Variants in GLIS3 observed in about 807,000 individuals in gnomAD.
GLIS3 encodes the protein zinc finger protein GLIS3.
GLIS3 carries 53 observed loss-of-function variants against 78.6 expected under a neutral mutation model. That is an observed-to-expected ratio of 0.67 (90% CI 0.54 to 0.85). The LOEUF (loss-of-function observed/expected upper bound fraction) is 0.85, where lower values mean the gene tolerates loss of function less well. Ranked by LOEUF, GLIS3 falls within the 40% of genes least tolerant of loss-of-function variation. The pLI, the probability that GLIS3 is intolerant of heterozygous loss-of-function variation, is 0.00. For synonymous variants in GLIS3, 684 were observed against 509.9 expected, an observed-to-expected ratio of 1.34 and a Z score of -4.60; for missense variants, 1,703 against 1,231.1, an observed-to-expected ratio of 1.38 and a Z score of -5.74.
chr9:4,241,170 A>T (rs866506848), intron 2 of GLIS3, among the ~76,000 whole-genome samples: 1 of 152,296 alleles, frequency 6.6e-6, no homozygotes, highest in Non-Finnish European at 1.5e-5. Flanking sequence ...GGTACATTCA[A>T]CTCCAGACTG....
chr9:4,268,041 G>A (rs975174788), intron 2 of GLIS3, among the ~76,000 whole-genome samples: 21 of 151,860 alleles, frequency 1.4e-4, no homozygotes, highest in African/African-American at 4.6e-4. Flanking sequence ...GCATACACAC[G>A]TGCGTGCGTG....
intron 6 of GLIS3, among the ~76,000 whole-genome samples, chr9:3,905,092 C>T (rs904656583): frequency 1.4e-4 from 21 of 151,664 alleles, no homozygotes; most frequent in African/African-American, 4.8e-4. Context: ...CCTGCCTCAG[C>T]CTCCCGAGTA....
At chr9:4,152,491 ATG>A (rs1276698765) in intron 2 of GLIS3, among the ~76,000 whole-genome samples, 2 of 152,226 alleles carry the variant, frequency 1.3e-5, no homozygotes, top group Non-Finnish European at 2.9e-5. Flanking sequence ...TACACAAATT[ATG>A]TGACATGAAG....
intron 4 of GLIS3, chr9:4,036,079 C>A (rs1824271449): frequency 6.6e-6 from 1 of 152,184 alleles, no homozygotes; most frequent in African/African-American, 2.4e-5. Flanking sequence ...GATTCAAGGT[C>A]ATCTTTAAGA....
At chr9:3,919,507 G>T (rs774900718) in intron 6 of GLIS3, among the ~76,000 whole-genome samples, 4 of 151,954 alleles carry the variant, frequency 2.6e-5, no homozygotes, top group Non-Finnish European at 5.9e-5. Flanking sequence ...GGGAGGAGGA[G>T]AATCAGAAAA....
intron 7 of GLIS3, among the ~76,000 whole-genome samples, chr9:3,895,654 C>G (rs556927961): frequency 1.3e-5 from 2 of 152,336 alleles, no homozygotes; most frequent in African/African-American, 4.8e-5. Context: ...GAAGGCAACA[C>G]TTCAGGAGAA....
At chr9:4,115,338 C>T (rs1441527371) in intron 4 of GLIS3, among the ~76,000 whole-genome samples, 1 of 152,126 alleles carries the variant, frequency 6.6e-6, no homozygotes, top group Non-Finnish European at 1.5e-5. Context: ...AAGGTCACTT[C>T]GCATTTCCAA....
chr9:4,472,608 G>A, the GLIS3 span, among the ~76,000 whole-genome samples: 1 of 151,514 alleles, frequency 6.6e-6, no homozygotes, highest in Non-Finnish European at 1.5e-5. Flanking sequence ...GGCCTGTCAT[G>A]GGGTGTGGGG....
intron 1 of GLIS3, among the ~76,000 whole-genome samples, chr9:4,292,647 A>C (rs1384463359): frequency 2.0e-5 from 3 of 152,234 alleles, no homozygotes. Context: ...CTGTGCAGTA[A>C]GTATCAATTG....
rs199530528 is a variant in GLIS3, at chr9:3,979,097, GA to G, written c.1711-41909del. Among the ~76,000 whole-genome samples the G allele has an allele frequency of 3.8e-3, 578 of 152,230 alleles. 6 individuals are homozygous for G. The highest frequency in any genetic ancestry group is 0.034 in the Middle Eastern group (10 of 294). On this transcript the variant is annotated intron_variant, in intron 4 of 10. Coordinates refer to ENST00000381971, the MANE Select transcript of GLIS3 (RefSeq NM_001042413.2). ...AACCAATTTTGCATGGATACTTAGG[GA>G]AAACCATATATTATATCACTGTTCT...
chr9:4,238,044 G>C (rs1035762601), intron 2 of GLIS3, among the ~76,000 whole-genome samples: 1 of 152,136 alleles, frequency 6.6e-6, no homozygotes, highest in African/African-American at 2.4e-5. Context: ...TTTTCCTCAG[G>C]AATTTCCTGT....
chr9:4,129,144 T>C (rs549632429), intron 2 of GLIS3, among the ~76,000 whole-genome samples: 17 of 152,318 alleles, frequency 1.1e-4, no homozygotes, highest in Admixed American at 9.8e-4. Context: ...TCTAAGTGTT[T>C]TTCATAATGC....
At chr9:4,253,080 G>T (rs367775296) in intron 2 of GLIS3, among the ~76,000 whole-genome samples, 1 of 152,252 alleles carries the variant, frequency 6.6e-6, no homozygotes, top group Non-Finnish European at 1.5e-5. Context: ...ACGATTAGGA[G>T]GCACAGGGGT....
chr9:4,466,510 G>A, the GLIS3 span, among the ~76,000 whole-genome samples: 2 of 152,134 alleles, frequency 1.3e-5, no homozygotes, highest in Non-Finnish European at 2.9e-5. Context: ...CAGAACATTA[G>A]CCCTCATAAC....
At chr9:4,098,184 G>A (rs548830033) in intron 4 of GLIS3, among the ~76,000 whole-genome samples, 55 of 152,170 alleles carry the variant, frequency 3.6e-4, no homozygotes, top group African/African-American at 1.1e-3. Flanking sequence ...ATTCACTTTC[G>A]AAACTTTGTA....
chr9:4,139,434 G>A (rs1833640737), intron 2 of GLIS3, among the ~76,000 whole-genome samples: 1 of 152,220 alleles, frequency 6.6e-6, no homozygotes, highest in Non-Finnish European at 1.5e-5. Context: ...TGTAAGTCAT[G>A]ATGCTAAAGA....
intron 2 of GLIS3, among the ~76,000 whole-genome samples, chr9:4,183,580 C>T (rs920527882): frequency 7.2e-5 from 11 of 152,142 alleles, no homozygotes; most frequent in African/African-American, 2.7e-4. Flanking sequence ...CTTATAAAGT[C>T]CCTCTACCAG....
chr9:4,227,927 T>C (rs1435436396), intron 2 of GLIS3, among the ~76,000 whole-genome samples: 2 of 152,242 alleles, frequency 1.3e-5, no homozygotes, highest in Non-Finnish European at 2.9e-5. Context: ...CATCGGAATG[T>C]ACTTTGTGTT....
intron 2 of GLIS3, among the ~76,000 whole-genome samples, chr9:4,233,394 A>G (rs923466650): frequency 6.6e-6 from 1 of 152,252 alleles, no homozygotes; most frequent in Non-Finnish European, 1.5e-5. Flanking sequence ...ATGTTGTGTT[A>G]CCAATCATGA....
Sources: gnomAD v4.1 joint callset for allele counts (sites outside exome capture counted in the v4.1 genomes callset) on GRCh38, gnomAD v4.1.1 for gene constraint, MANE v1.5 for transcripts, NCBI Gene and HGNC (gene_info 2026-07-23, HGNC 2026-07-21) for gene names.